OCIAD1: variants seen among roughly 807,000 people sequenced by gnomAD.
The protein encoded by OCIAD1 is OCIA domain containing 1, also known as OCIA domain-containing protein 1.
In OCIAD1, 29 loss-of-function variants were observed where a neutral mutation model predicts 38.9. The observed-to-expected ratio is 0.74, with a 90% CI of 0.55 to 1.02. The LOEUF is 1.02. OCIAD1 is among the 50% of genes least tolerant of loss of function. The pLI is 0.00. For missense variants in OCIAD1, 288 were observed against 289.6 expected (o/e 0.99, Z 0.04); for synonymous variants, 110 against 92.0 (o/e 1.20, Z -1.12).
chr4:48,838,619 G>C (rs1034944775), intron 3 of OCIAD1, among the ~76,000 whole-genome samples: 6 of 152,310 alleles, frequency 3.9e-5, no homozygotes, highest in African/African-American at 1.4e-4. Context: ...GAATTAGATA[G>C]TCTATGCTGT....
intron 1 of OCIAD1, among the ~76,000 whole-genome samples, chr4:48,814,781 C>CAAGTCCTGG (rs1450059297): frequency 6.6e-6 from 1 of 152,004 alleles, no homozygotes; most frequent in Non-Finnish European, 1.5e-5. Context: ...GCATGCAAAC[C>CAAGTCCTGG]AAGTCCTGGA....
chr4:48,849,167 G>A (rs911695890), intron 5 of OCIAD1, among the ~76,000 whole-genome samples: 1 of 152,064 alleles, frequency 6.6e-6, no homozygotes, highest in African/African-American at 2.4e-5. Context: ...AGTGGGGAGG[G>A]ATAGAATTAG....
intron 1 of OCIAD1, among the ~76,000 whole-genome samples, chr4:48,816,791 C>T (rs761463245): frequency 4.0e-5 from 6 of 150,756 alleles, no homozygotes; most frequent in East Asian, 2.0e-4. Context: ...ACCAACATGG[C>T]GAAACCCTGT....
At chr4:48,830,200 G>C (rs554413945), upstream of OCIAD1, among the ~76,000 whole-genome samples, 1 of 152,318 alleles carries the variant, frequency 6.6e-6, no homozygotes, top group South Asian at 2.1e-4. Context: ...CATGACTGGA[G>C]CTATCAAAAG....
chr4:48,831,079 G>A, upstream of OCIAD1: 1 of 234,916 alleles, frequency 4.3e-6, no homozygotes, highest in Non-Finnish European at 8.7e-6. Context: ...TCCGGGTCGC[G>A]GTCATTTTGA....
At chr4:48,842,955 G>A (rs561163567) in intron 4 of OCIAD1, among the ~76,000 whole-genome samples, 2 of 152,280 alleles carry the variant, frequency 1.3e-5, no homozygotes, top group East Asian at 1.9e-4. Flanking sequence ...GGGCAAACCT[G>A]GTCTAGGTGG....
At chr4:48,860,693 G>A (rs1780527677) in intron 8 of OCIAD1, 32 bp from the exon 9 acceptor site, 2 of 1,474,036 alleles carry the variant, frequency 1.4e-6, no homozygotes, top group Admixed American at 1.7e-5. Flanking sequence ...ATTATTGCTT[G>A]GAATCATCAA....
chr4:48,817,160 G>A (rs996835996), intron 1 of OCIAD1, among the ~76,000 whole-genome samples: 9 of 152,206 alleles, frequency 5.9e-5, no homozygotes, highest in Admixed American at 4.6e-4. Context: ...AGTGTGGGGC[G>A]TTGCTTCACC....
At chr4:48,811,974 G>A (rs1292330670) in intron 1 of OCIAD1, among the ~76,000 whole-genome samples, 3 of 152,098 alleles carry the variant, frequency 2.0e-5, no homozygotes, top group Non-Finnish European at 4.4e-5. Flanking sequence ...GTTCCAGAGA[G>A]AGGTCTATAC....
At chr4:48,813,266 G>T (rs546055500) in intron 1 of OCIAD1, among the ~76,000 whole-genome samples, 52 of 152,284 alleles carry the variant, frequency 3.4e-4, no homozygotes, top group Non-Finnish European at 6.2e-4. Context: ...ATGGTGTGGG[G>T]GTTCCCTTTA....
chr4:48,828,399 A>G (rs1225207515), upstream of OCIAD1, among the ~76,000 whole-genome samples: 1 of 152,220 alleles, frequency 6.6e-6, no homozygotes, highest in Non-Finnish European at 1.5e-5. Context: ...GTGTGGGGCC[A>G]GATAAGGGAA....
chr4:48,851,195 C>T (rs781409316), intron 6 of OCIAD1, among the ~76,000 whole-genome samples: 3 of 152,158 alleles, frequency 2.0e-5, no homozygotes, highest in Non-Finnish European at 2.9e-5. Flanking sequence ...TGAAATTAGA[C>T]CTGATTTAAA....
At chr4:48,821,939 C>T (rs1435438150) in intron 1 of OCIAD1, among the ~76,000 whole-genome samples, 1 of 152,126 alleles carries the variant, frequency 6.6e-6, no homozygotes, top group East Asian at 1.9e-4. Context: ...TGGATAGGAA[C>T]AATCAATACT....
intron 1 of OCIAD1, among the ~76,000 whole-genome samples, chr4:48,821,440 T>G (rs1777193098): frequency 6.6e-6 from 1 of 152,182 alleles, no homozygotes; most frequent in South Asian, 2.1e-4. Context: ...GCATAGCCAA[T>G]ATCATACTGA....
upstream of OCIAD1, among the ~76,000 whole-genome samples, chr4:48,828,630 G>A (rs183633381): frequency 3.9e-5 from 6 of 152,232 alleles, no homozygotes; most frequent in Admixed American, 2.0e-4. Flanking sequence ...AACTCCAGAC[G>A]GGAGGAATGA....
chr4:48,839,215 C>G (rs937796007), intron 3 of OCIAD1, among the ~76,000 whole-genome samples: 3 of 152,056 alleles, frequency 2.0e-5, no homozygotes, highest in African/African-American at 7.2e-5. Context: ...GTGGGTGGAT[C>G]ACTTGAGGTC....
At chr4:48,808,927 T>C (rs573382121) in intron 1 of OCIAD1, among the ~76,000 whole-genome samples, 1 of 152,288 alleles carries the variant, frequency 6.6e-6, no homozygotes, top group East Asian at 1.9e-4. Context: ...TGAGAGTCAT[T>C]CTTGTCCTCT....
At chr4:48,826,355 C>T (rs554545585), upstream of OCIAD1, among the ~76,000 whole-genome samples, 128 of 152,160 alleles carry the variant, frequency 8.4e-4, no homozygotes, top group African/African-American at 2.8e-3. Flanking sequence ...ACCCTGTGTC[C>T]GAGTGTTCTC....
At chr4:48,836,836 G>A (rs1778026477) in intron 3 of OCIAD1, among the ~76,000 whole-genome samples, 1 of 152,090 alleles carries the variant, frequency 6.6e-6, no homozygotes, top group Non-Finnish European at 1.5e-5. Flanking sequence ...AATTTATGAT[G>A]ACTATGCATC....
Sources: allele counts gnomAD v4.1 joint callset (sites outside exome capture counted in the v4.1 genomes callset), GRCh38; gene constraint gnomAD v4.1.1; transcripts MANE v1.5; gene names NCBI Gene and HGNC (gene_info 2026-07-23, HGNC 2026-07-21).